The following RAVER2 variants were observed in gnomAD, a reference collection of about 807,000 sequenced individuals.
The protein encoded by RAVER2 is ribonucleoprotein, PTB binding 2.
In RAVER2, 46 loss-of-function variants were observed where a neutral mutation model predicts 78.1. That is an observed-to-expected ratio of 0.59 (90% CI 0.46 to 0.75). The LOEUF is 0.75. Among genes scored for constraint, RAVER2 ranks in the 30% least tolerant of loss-of-function variants. The probability of loss-of-function intolerance (pLI) is 0.00; values close to 1 mark genes in which losing one functional copy is unlikely to be tolerated. For missense variants in RAVER2, 793 were observed against 837.5 expected (o/e 0.95, Z 0.66); for synonymous variants, 311 against 313.3 (o/e 0.99, Z 0.08).
exon 10 of RAVER2, chr1:64,812,823 G>C (rs776257852): frequency 6.2e-7 from 1 of 1,611,776 alleles, no homozygotes; most frequent in East Asian, 2.2e-5. Context: ...AATTTGGCAA[G>C]TGTGTTGCCC....
At chr1:64,814,366 G>A (rs1383002685) in intron 10 of RAVER2, among the ~76,000 whole-genome samples, 1 of 152,078 alleles carries the variant, frequency 6.6e-6, no homozygotes, top group African/African-American at 2.4e-5. Flanking sequence ...GCCTCTCAAA[G>A]TGCTGGAATT....
intron 2 of RAVER2, among the ~76,000 whole-genome samples, chr1:64,776,494 A>G (rs77454638): frequency 0.022 from 3,408 of 152,290 alleles, 146 homozygotes; most frequent in African/African-American, 0.078. Flanking sequence ...AGTTTAGTGA[A>G]ATGACAGGCA....
intron 3 of RAVER2, 67 bp from the exon 4 acceptor site, chr1:64,781,313 A>T: frequency 7.2e-7 from 1 of 1,387,710 alleles, no homozygotes. Flanking sequence ...TTTGAAAATT[A>T]TATATCGTAA....
chr1:64,763,703 A>G (rs968489679), intron 1 of RAVER2, among the ~76,000 whole-genome samples: 3 of 152,038 alleles, frequency 2.0e-5, no homozygotes, highest in African/African-American at 7.2e-5. Flanking sequence ...GGAGTTCAGG[A>G]CCAGCCTGGC....
At chr1:64,762,688 ATTGAACCTTGACCCCTACCTAATACCACT>A (rs1172409923) in intron 1 of RAVER2, among the ~76,000 whole-genome samples, 1 of 152,200 alleles carries the variant, frequency 6.6e-6, no homozygotes, top group East Asian at 1.9e-4. Context: ...AATCAAAAAA[ATTGAACCTTGACCCCTACCTAATACCACT>A]TAGAAATATT....
intron 7 of RAVER2, 34 bp downstream of exon 7, chr1:64,804,872 G>A: frequency 6.6e-7 from 1 of 1,513,032 alleles, no homozygotes; most frequent in Non-Finnish European, 9.1e-7. Flanking sequence ...TTTAAAATCA[G>A]TTCATTTCTT....
intron 1 of RAVER2, among the ~76,000 whole-genome samples, chr1:64,761,839 G>T (rs908743493): frequency 1.3e-5 from 2 of 152,160 alleles, no homozygotes; most frequent in African/African-American, 2.4e-5. Flanking sequence ...GCCAGGCACG[G>T]TGGTTTACGC....
At chr1:64,824,450 ACC>A (rs1653960878) in intron 11 of RAVER2, among the ~76,000 whole-genome samples, 6 of 152,348 alleles carry the variant, frequency 3.9e-5, no homozygotes, top group African/African-American at 1.4e-4. Flanking sequence ...TTTTGTATGG[ACC>A]GTGATAGATC....
chr1:64,831,078 T>C, exon 12 of RAVER2: 2 of 1,313,612 alleles, frequency 1.5e-6, no homozygotes, highest in South Asian at 1.7e-5. Flanking sequence ...CCATATCCTT[T>C]AAATACGGGT....
intron 1 of RAVER2, among the ~76,000 whole-genome samples, chr1:64,763,932 A>ACACG (rs1436108858): frequency 6.7e-6 from 1 of 149,906 alleles, no homozygotes; most frequent in African/African-American, 2.4e-5. Context: ...ACACACACAC[A>ACACG]CACACACACA....
At chr1:64,747,320 T>A (rs991800959) in intron 1 of RAVER2, among the ~76,000 whole-genome samples, 55 of 152,348 alleles carry the variant, frequency 3.6e-4, no homozygotes, top group African/African-American at 1.3e-3. Context: ...TGATGAAAGT[T>A]TCACTTTATT....
Position 64,777,703 on chromosome 1 carries a change from TTAA to T in RAVER2, c.400_402del (p.Ile134del). ...TCAATATTCTTTTAGAGGAAAAGAC[TTAA>T]TAGTCCAGCTTCAGCCAACAGATGC... is the stretch of plus-strand genomic sequence containing the variant. On this transcript the variant is annotated inframe_deletion, in exon 3 of 12. Coordinates refer to ENST00000294428, the Ensembl canonical transcript of RAVER2. The T allele has an allele frequency of 1.2e-6, 2 of 1,614,078 alleles. 1 individual carries two copies. Among genetic ancestry groups the T allele is most frequent in the South Asian group, 2.2e-5 (2 of 91,086 alleles).
At chr1:64,829,936 T>A (rs977353431) in intron 11 of RAVER2, among the ~76,000 whole-genome samples, 7 of 152,110 alleles carry the variant, frequency 4.6e-5, no homozygotes, top group Non-Finnish European at 1.0e-4. Context: ...AGCAAGGAGT[T>A]GAGAGAGACC....
chr1:64,803,006 A>G (rs1653310686), exon 6 of RAVER2: 1 of 1,610,460 alleles, frequency 6.2e-7, no homozygotes, highest in Middle Eastern at 1.7e-4. Flanking sequence ...AGCTTGCCAC[A>G]TCTGATGAAT....
chr1:64,789,800 C>T (rs951475840), intron 5 of RAVER2, among the ~76,000 whole-genome samples: 1 of 151,942 alleles, frequency 6.6e-6, no homozygotes, highest in Non-Finnish European at 1.5e-5. Flanking sequence ...AATTTATAGA[C>T]CAAGGTAAAG....
intron 11 of RAVER2, among the ~76,000 whole-genome samples, chr1:64,826,613 T>A (rs1179509366): frequency 6.6e-6 from 1 of 152,126 alleles, no homozygotes; most frequent in East Asian, 1.9e-4. Context: ...TTTAGGCCCT[T>A]GTAAGGACTT....
chr1:64,754,291 T>C (rs1258925595), intron 1 of RAVER2, among the ~76,000 whole-genome samples: 2 of 152,158 alleles, frequency 1.3e-5, no homozygotes, highest in African/African-American at 2.4e-5. Flanking sequence ...TATCTCCCAT[T>C]GTATTATAAT....
Position 64,781,433 on chromosome 1 carries a change from CA to C in RAVER2, c.841del (p.Thr281LeufsTer15), listed in dbSNP as rs1260192565. 1 of 1,613,468 alleles carries C rather than the reference CA, an allele frequency of 6.2e-7. No homozygotes were observed. Among genetic ancestry groups the C allele is most frequent in the East Asian group, 2.2e-5 (1 of 44,884 alleles). On this transcript the variant is annotated frameshift_variant, in exon 4 of 12. Transcript: ENST00000294428. LOFTEE classifies it high-confidence loss of function. Reference sequence around the variant, plus strand: ...GTGGCTTTGCAGTGGTTGAATATAGCACTGCGGAGCAGGCTGAAGAGGTCCA... The same window carrying C: ...GTGGCTTTGCAGTGGTTGAATATAGCCTGCGGAGCAGGCTGAAGAGGTCCA...
rs1651939244 is a variant in RAVER2 at position 64,759,151 on chromosome 1, T to G, written c.250-9505T>G. ...AGTTACAAATTAGGTTAGTGTACAG[T>G]AAGTATATTTTCAGGTGTAAGTATA... is the stretch of plus-strand genomic sequence containing the variant. On this transcript the variant is annotated intron_variant, in intron 1 of 11. Coordinates refer to ENST00000294428, the Ensembl canonical transcript of RAVER2. Among the ~76,000 whole-genome samples, 3 of 151,738 alleles carry G rather than the reference T, an allele frequency of 2.0e-5. No individual in the cohort carries two copies. In the South Asian group the frequency reaches 6.2e-4, roughly 31 times the overall value.
Sources: gnomAD v4.1 joint callset for allele counts (sites outside exome capture counted in the v4.1 genomes callset) on GRCh38, gnomAD v4.1.1 for gene constraint, MANE v1.5 for transcripts, NCBI Gene and HGNC (gene_info 2026-07-23, HGNC 2026-07-21) for gene names.